The following PARD3B variants were observed in gnomAD, a reference collection of about 807,000 sequenced individuals.
PARD3B encodes partitioning defective 3 homolog B.
Under a neutral mutation model 130.2 loss-of-function variants are expected in PARD3B, and 103 were observed. That is an observed-to-expected ratio of 0.79 (90% confidence interval 0.67 to 0.93). The LOEUF (loss-of-function observed/expected upper bound fraction) is 0.93. Among genes scored for constraint, PARD3B ranks in the 40% least tolerant of loss-of-function variants. The pLI is 0.00. For synonymous variants in PARD3B, 583 were observed against 553.2 expected (o/e 1.05, Z -0.76); for missense variants, 1,609 against 1,499.2 (o/e 1.07, Z -1.21).
At chr2:204,771,648 A>G (rs2041389608) in intron 2 of PARD3B, among the ~76,000 whole-genome samples, 2 of 152,090 alleles carry the variant, frequency 1.3e-5, no homozygotes, top group Admixed American at 1.3e-4. Context: ...AAACCTGCAC[A>G]TATACCCCCT....
chr2:204,552,224 A>G (rs2030516612), intron 1 of PARD3B, among the ~76,000 whole-genome samples: 1 of 152,132 alleles, frequency 6.6e-6, no homozygotes, highest in Non-Finnish European at 1.5e-5. Context: ...TCAGAAAGGG[A>G]TCTTCAGCCA....
intron 1 of PARD3B, among the ~76,000 whole-genome samples, chr2:204,602,747 C>G (rs942732897): frequency 6.6e-6 from 1 of 152,018 alleles, no homozygotes; most frequent in South Asian, 2.1e-4. Context: ...CCTTATACCT[C>G]TTATCATGGT....
At chr2:204,681,231 A>G (rs2036817237) in intron 1 of PARD3B, among the ~76,000 whole-genome samples, 2 of 152,166 alleles carry the variant, frequency 1.3e-5, no homozygotes, top group Admixed American at 6.6e-5. Context: ...TATTAGGATT[A>G]GTATGGCCAT....
chr2:205,165,390 C>A (rs753095807), intron 11 of PARD3B, among the ~76,000 whole-genome samples: 11 of 151,850 alleles, frequency 7.2e-5, no homozygotes, highest in Non-Finnish European at 5.9e-5. Context: ...CCATAAGTTG[C>A]AGTATATCTG....
chr2:205,405,389 A>G lies in PARD3B; in HGVS notation c.2741+4266A>G, dbSNP rs902969693. Among the ~76,000 whole-genome samples the G allele has an allele frequency of 2.0e-5, 3 of 152,218 alleles. No homozygotes were observed. Among genetic ancestry groups the G allele is most frequent in the African/African-American group, 2.4e-5 (1 of 41,446 alleles). Reference sequence around the variant, plus strand: ...ATGAATCATCCAACCCAAAATGTCAATAGTACAGAGTCTGAGAAACCCTTT... The same window carrying G: ...ATGAATCATCCAACCCAAAATGTCAGTAGTACAGAGTCTGAGAAACCCTTT... On this transcript the variant is annotated intron_variant, in intron 19 of 22. Coordinates refer to ENST00000406610, the MANE Select transcript of PARD3B (RefSeq NM_001302769.2). The surrounding 1 kb of genome is among the most constrained non-coding windows in gnomAD (Gnocchi z 4.1).
At chr2:205,317,634 T>A (rs2105953239) in intron 18 of PARD3B, among the ~76,000 whole-genome samples, 1 of 152,264 alleles carries the variant, frequency 6.6e-6, no homozygotes, top group African/African-American at 2.4e-5. Context: ...ATCTGATCCT[T>A]CCTCTCTCTT....
chr2:205,156,370 A>T (rs1171991964), intron 10 of PARD3B, among the ~76,000 whole-genome samples: 1 of 151,830 alleles, frequency 6.6e-6, no homozygotes, highest in African/African-American at 2.4e-5. Context: ...TATGTAACTA[A>T]CCTGCACATT....
intron 19 of PARD3B, among the ~76,000 whole-genome samples, chr2:205,413,515 G>C (rs1427188260): frequency 6.6e-6 from 1 of 152,172 alleles, no homozygotes; most frequent in African/African-American, 2.4e-5. Flanking sequence ...TATTTTTCAA[G>C]TGAATAATTG....
rs980617157 is a variant in PARD3B, at chr2:204,571,273, C to T, written c.120+25154C>T. ...TATGAACTAGCTCTGAAACCGTGGG[C>T]AAGGCCCTTGAACTCTCAAGACCTC... On this transcript the variant is annotated intron_variant, in intron 1 of 22. Transcript: ENST00000406610. Among the ~76,000 whole-genome samples the T allele has an allele frequency of 2.0e-5, 3 of 152,188 alleles. No individual in the cohort carries two copies. In the South Asian group the frequency reaches 6.2e-4, roughly 32 times the overall value.
intron 22 of PARD3B, among the ~76,000 whole-genome samples, chr2:205,583,778 G>A (rs2054092326): frequency 1.3e-5 from 2 of 152,108 alleles, no homozygotes. Context: ...TGCTACGGAG[G>A]TCTGCCACAA....
At chr2:205,036,512 AAAT>A (rs530307736) in intron 3 of PARD3B, among the ~76,000 whole-genome samples, 3 of 148,984 alleles carry the variant, frequency 2.0e-5, no homozygotes, top group Non-Finnish European at 4.5e-5. Flanking sequence ...TATATATAAA[AAAT>A]ATATATATAG....
intron 22 of PARD3B, among the ~76,000 whole-genome samples, chr2:205,580,565 T>A (rs1432262089): frequency 6.6e-6 from 1 of 152,214 alleles, no homozygotes; most frequent in Non-Finnish European, 1.5e-5. Context: ...GCTATACTAA[T>A]GCCTATTTTT....
At position 205,458,678 on chromosome 2, in the gene PARD3B, T is replaced by C. The variant is rs1363437437; in HGVS notation, c.3044+18006T>C. On this transcript the variant is annotated intron_variant, in intron 20 of 22. Transcript: ENST00000406610. This position sits in a 1 kb window ranked among gnomAD's most constrained non-coding sequence, Gnocchi z 4.8. ...TCTAATAATGTCACTATCTGAATAATGTCACTATCTGAACTGTGGGTCTGT... is the reference window on the plus strand; with the variant it reads ...TCTAATAATGTCACTATCTGAATAACGTCACTATCTGAACTGTGGGTCTGT... 6.6e-6 allele frequency among the ~76,000 whole-genome samples: 1 copy of C among 152,214 alleles called. No homozygotes were observed. Among genetic ancestry groups the C allele is most frequent in the Non-Finnish European group, 1.5e-5 (1 of 68,042 alleles).
At chr2:204,856,396 T>A (rs2044940011) in intron 2 of PARD3B, among the ~76,000 whole-genome samples, 1 of 152,212 alleles carries the variant, frequency 6.6e-6, no homozygotes, top group Admixed American at 6.6e-5. Context: ...AACAGTTTTC[T>A]TTCTGTTGAA....
At chr2:205,239,617 A>C (rs1368306010) in intron 15 of PARD3B, among the ~76,000 whole-genome samples, 1 of 152,228 alleles carries the variant, frequency 6.6e-6, no homozygotes, top group Non-Finnish European at 1.5e-5. Flanking sequence ...GCAACTTTCA[A>C]TTTAAGACTT....
Position 204,669,619 on chromosome 2 carries a change from T to G in PARD3B, c.121-16562T>G, listed in dbSNP as rs1189806474. On this transcript the variant is annotated intron_variant, in intron 1 of 22. Coordinates refer to ENST00000406610, the MANE Select transcript of PARD3B (RefSeq NM_001302769.2). This position sits in a 1 kb window ranked among gnomAD's most constrained non-coding sequence, Gnocchi z 4.3. ...ATTTGGTTTATCAGGGAACACTATT[T>G]CCTTGGTTGCAATAAATGTCCATAC... 6.6e-6 allele frequency among the ~76,000 whole-genome samples: 1 copy of G among 152,204 alleles called. No homozygotes were observed. Among genetic ancestry groups the G allele is most frequent in the African/African-American group, 2.4e-5 (1 of 41,464 alleles).
chr2:205,267,751 G>A (rs1319731192), intron 16 of PARD3B, among the ~76,000 whole-genome samples: 1 of 152,090 alleles, frequency 6.6e-6, no homozygotes. Context: ...ATAGAGGGGT[G>A]AAGATAGAAT....
At chr2:205,239,657 T>G (rs1375789595) in intron 15 of PARD3B, among the ~76,000 whole-genome samples, 2 of 152,280 alleles carry the variant, frequency 1.3e-5, no homozygotes, top group East Asian at 1.9e-4. Flanking sequence ...GAAAAGGAAT[T>G]TTAAAGAGAT....
chr2:205,026,039 A>G (rs1046117061), intron 3 of PARD3B, among the ~76,000 whole-genome samples: 5 of 152,250 alleles, frequency 3.3e-5, no homozygotes, highest in Non-Finnish European at 7.3e-5. Flanking sequence ...AAAGATAGAT[A>G]GGATCTCTGT....
Sources: gnomAD v4.1 joint callset for allele counts (sites outside exome capture counted in the v4.1 genomes callset) on GRCh38, gnomAD v4.1.1 for gene constraint, Gnocchi (gnomAD v3.1) non-coding constraint, MANE v1.5 for transcripts, NCBI Gene and HGNC (gene_info 2026-07-23, HGNC 2026-07-21) for gene names.